The following TTN variants were observed in gnomAD, a reference collection of about 807,000 sequenced individuals.
TTN encodes the protein titin.
A neutral mutation model predicts 3,223.0 loss-of-function variants in TTN; 1,525 were observed. That is an observed-to-expected ratio of 0.47 (90% CI 0.45 to 0.49). The LOEUF (loss-of-function observed/expected upper bound fraction) is 0.49. Among genes scored for constraint, TTN ranks in the 20% least tolerant of loss-of-function variants. The probability of loss-of-function intolerance (pLI) is 0.00; values close to 1 mark genes in which losing one functional copy is unlikely to be tolerated. For synonymous variants in TTN, 14,094 were observed against 15,161.0 expected (o/e 0.93, Z 5.17); for missense variants, 40,786 against 43,424.0 (o/e 0.94, Z 5.40).
intron 47 of TTN, chr2:178,746,185 C>T: frequency 1.2e-6 from 2 of 1,613,214 alleles, no homozygotes; most frequent in Non-Finnish European, 1.7e-6. Context: ...GAGTCGGGAT[C>T]CCTATGACTG....
intron 133 of TTN, 44 bp downstream of exon 133, chr2:178,683,955 G>T: frequency 6.9e-7 from 1 of 1,441,406 alleles, no homozygotes. Context: ...TTAGTGTCTG[G>T]ATGCTTATTT....
In TTN at chr2:178,539,126, T is replaced by C. The variant is rs200544701; in HGVS notation, c.98809A>G (p.Lys32937Glu). 9.2e-5 allele frequency: 148 copies of C among 1,613,658 alleles called. No homozygotes were observed. The highest frequency in any genetic ancestry group is 4.7e-4 in the Admixed American group (28 of 59,978). Reference sequence around the variant, plus strand: ...ACCCACTTGTCAGTGGATGTCTCTTTGCGTTCGATGTAGTAGCCTGTGACT... The same window carrying C: ...ACCCACTTGTCAGTGGATGTCTCTTCGCGTTCGATGTAGTAGCCTGTGACT... ...SRVTGYYIER[K>E]ETSTDKWVRH... Residue 32937 changes from lysine (K) to glutamate (E), a missense_variant, in exon 353 of 363, where the codon AAA becomes GAA. Physicochemically the swap from Lys to Glu is moderately conservative, Grantham distance 56 (BLOSUM62 1). Transcript: ENST00000589042.
rs1414118885 is a variant in TTN at position 178,575,609 on chromosome 2, C to A, written c.70523G>T (p.Arg23508Ile). The change falls in exon 326 of 363, where the codon AGA becomes ATA. Residue 23508 changes from arginine (R) to isoleucine (I), a missense_variant. By Grantham distance (97) the Arg-to-Ile change is moderately conservative. Coordinates refer to ENST00000589042, the MANE Select transcript of TTN (RefSeq NM_001267550.2). This position sits in a 1 kb window ranked among gnomAD's most constrained non-coding sequence, Gnocchi z 4.0. Reference sequence around the variant, plus strand: ...TCCATATTCATTCTCTGCCATCACTCTGAAGAAATATTCACACCCTTCAGA... The same window carrying A: ...TCCATATTCATTCTCTGCCATCACTATGAAGAAATATTCACACCCTTCAGA... The part of the protein sequence containing the change: ...GLSEGCEYFF[R>I]VMAENEYGIG... 2.5e-6 allele frequency: 4 copies of A among 1,613,612 alleles called. No individual in the cohort carries two copies. Among genetic ancestry groups the A allele is most frequent in the Non-Finnish European group, 3.4e-6 (4 of 1,179,644 alleles).
Position 178,617,136 on chromosome 2 carries a change from G to A in TTN, c.47859C>T (p.Thr15953=), listed in dbSNP as rs769989672. ...TCTATTTACCAAATGCATCGTCAGC[G>A]GTGAGAGGACCAAGAATTTCAGATG... The part of the protein sequence containing the change: ...SDPSEILGPL[T]ADDAFVEPTM... Residue 15953 remains threonine, a synonymous_variant, in exon 255 of 363, where the codon ACC becomes ACT. Coordinates refer to ENST00000589042, the MANE Select transcript of TTN (RefSeq NM_001267550.2). 132 of 1,609,128 alleles carry A rather than the reference G, an allele frequency of 8.2e-5. No homozygotes were observed. Among genetic ancestry groups the A allele is most frequent in the African/African-American group, 1.2e-4 (9 of 74,706 alleles).
In TTN at chr2:178,591,309, T is replaced by C. The variant is rs1412813943; in HGVS notation, c.60416A>G (p.Lys20139Arg). The C allele has an allele frequency of 1.9e-6, 3 of 1,613,298 alleles. No individual in the cohort carries two copies. Among genetic ancestry groups the C allele is most frequent in the Non-Finnish European group, 2.5e-6 (3 of 1,179,476 alleles). Residue 20139 changes from lysine (K) to arginine (R), a missense_variant, in exon 304 of 363, where the codon AAG becomes AGG. Physicochemically the swap from Lys to Arg is conservative, Grantham distance 26. Transcript: ENST00000589042. ...CCCAGTGTCTCTCCTTAAGCAGTTC[T>C]TAATGGTAAGTACTGATGAGAAGTT... is the stretch of plus-strand genomic sequence containing the variant. ...TDNFSSVLTI[K>R]NCLRRDTGEY...
intron 253 of TTN, 29 bp from the exon 254 acceptor site, chr2:178,617,541 C>T (rs757346513): frequency 7.7e-6 from 12 of 1,549,836 alleles, no homozygotes; most frequent in Admixed American, 2.3e-5. Context: ...TTGGAGCATA[C>T]CATTTACGTT....
Position 178,561,929 on chromosome 2 carries a change from C to G in TTN, c.84203G>C (p.Ser28068Thr), listed in dbSNP as rs72648219. The change falls in exon 326 of 363, where the codon AGT becomes ACT. Residue 28068 changes from serine to threonine, a missense_variant. By Grantham distance (58) the Ser-to-Thr change is moderately conservative (BLOSUM62 1). Coordinates refer to ENST00000589042, the MANE Select transcript of TTN (RefSeq NM_001267550.2). Reference protein sequence around the residue: ...PPGPIRIDEVSCDSITISWNP... With the variant: ...PPGPIRIDEVTCDSITISWNP... ...CCAAGAAATGGTTATGCTGTCACAA[C>G]TAACCTCATCAATACGTATAGGACC... 41 of 1,613,434 alleles carry G rather than the reference C, an allele frequency of 2.5e-5. No individual in the cohort carries two copies. In the African/African-American group the frequency reaches 4.9e-4, roughly 19 times the overall value.
chr2:178,622,142 C>T, intron 243 of TTN, 134 bp from the exon 244 acceptor site: 1 of 808,708 alleles, frequency 1.2e-6, no homozygotes. Flanking sequence ...ACCAAGGTGG[C>T]AGACACAAAT....
intron 24 of TTN, chr2:178,778,220 A>T (rs1472620983): frequency 1.5e-5 from 8 of 518,172 alleles, no homozygotes; most frequent in Non-Finnish European, 2.8e-5. Context: ...CAGGCTCAAA[A>T]ATCTTGGAAT....
intron 223 of TTN, among the ~76,000 whole-genome samples, chr2:178,638,792 CT>C (rs1157728280): frequency 6.6e-6 from 1 of 151,732 alleles, no homozygotes; most frequent in Non-Finnish European, 1.5e-5. Context: ...ATAATTTCAA[CT>C]TTTATTTTAA....
Position 178,652,550 on chromosome 2 carries a change from A to T in TTN, c.39044-9T>A, listed in dbSNP as rs184888200. Reference sequence around the variant, plus strand: ...TTTCGGAGCCTCTGGCACTTAAAAGATATTAGTGAAATTACATTTAGAAGT... The same window carrying T: ...TTTCGGAGCCTCTGGCACTTAAAAGTTATTAGTGAAATTACATTTAGAAGT... On this transcript the variant is annotated splice_polypyrimidine_tract_variant and intron_variant, in intron 201 of 362. Coordinates refer to ENST00000589042, the MANE Select transcript of TTN (RefSeq NM_001267550.2). 6.4e-4 allele frequency: 1,036 copies of T among 1,613,006 alleles called. No individual in the cohort carries two copies. Among genetic ancestry groups the T allele is most frequent in the Non-Finnish European group, 7.7e-4 (910 of 1,179,520 alleles).
intron 8 of TTN, among the ~76,000 whole-genome samples, chr2:178,793,787 G>A (rs1303379984): frequency 3.3e-5 from 5 of 152,084 alleles, no homozygotes; most frequent in Non-Finnish European, 7.4e-5. Context: ...GTGACAGAGC[G>A]AGACTCTGTC....
Position 178,675,926 on chromosome 2 carries a change from G to A in TTN, c.34448C>T (p.Ala11483Val), listed in dbSNP as rs776185964. ...TTACTTCGGAATAGCAATACCTTTG[G>A]CAGGGGGAGCCTCCTCTTTCTTGGG... ...VIPKKEEAPPAKVSVVPKKPE... is the reference protein window; with the variant it reads ...VIPKKEEAPPVKVSVVPKKPE... Residue 11483 changes from alanine to valine, a missense_variant, in exon 148 of 363, where the codon GCC becomes GTC. Transcript: ENST00000589042. The A allele has an allele frequency of 6.2e-7, 1 of 1,607,402 alleles. No homozygotes were observed. The highest frequency in any genetic ancestry group is 8.5e-7 in the Non-Finnish European group (1 of 1,176,408).
chr2:178,573,236 G>A lies in TTN; in HGVS notation c.72896C>T (p.Ala24299Val), dbSNP rs763506215. ...EGHEYEFRIM[A>V]ENAAGISAPS... ...TGCACTAATTCCAGCAGCATTTTCAGCCATAATCCTGAACTCATATTCATG... is the reference window on the plus strand; with the variant it reads ...TGCACTAATTCCAGCAGCATTTTCAACCATAATCCTGAACTCATATTCATG... The change falls in exon 326 of 363, where the codon GCT becomes GTT. Residue 24299 changes from alanine (A) to valine (V), a missense_variant. Ala to Val is a moderately conservative substitution (Grantham distance 64). Coordinates refer to ENST00000589042, the MANE Select transcript of TTN (RefSeq NM_001267550.2). 1 of 1,606,974 alleles carries A rather than the reference G, an allele frequency of 6.2e-7. No individual in the cohort carries two copies. The highest frequency in any genetic ancestry group is 8.5e-7 in the Non-Finnish European group (1 of 1,175,640).
chr2:178,692,549 T>C lies in TTN; in HGVS notation c.31626A>G (p.Glu10542=). The C allele has an allele frequency of 6.4e-7, 1 of 1,574,612 alleles. No homozygotes were observed. The highest frequency in any genetic ancestry group is 8.6e-7 in the Non-Finnish European group (1 of 1,162,094). The change falls in exon 120 of 363, where the codon GAA becomes GAG. Residue 10542 remains glutamate (E), a synonymous_variant. Coordinates refer to ENST00000589042, the MANE Select transcript of TTN (RefSeq NM_001267550.2). ...VPELPEKPAP[E]EVAPVPIPKK... is the part of the protein sequence containing the mutation. ...TAGGGATAGGAACAGGGGCCACTTC[T>C]TCTGGAGCTGGTTTCTCAGGTAGCT...
At chr2:178,708,731 A>G (rs1001693416) in intron 99 of TTN, among the ~76,000 whole-genome samples, 1 of 152,192 alleles carries the variant, frequency 6.6e-6, no homozygotes, top group Non-Finnish European at 1.5e-5. Flanking sequence ...GTGAAACTGG[A>G]ATTTTAAGAC....
chr2:178,786,211 A>G lies in TTN; in HGVS notation c.2077-70T>C. On this transcript the variant is annotated intron_variant, in intron 13 of 362. Transcript: ENST00000589042. ...CAGGCTGGAATATCTCCTGGGCATC[A>G]GGACAGGCAGATGGCGTCCACATTA... 3 of 1,557,994 alleles carry G rather than the reference A, an allele frequency of 1.9e-6. No homozygotes were observed. In the African/African-American group the frequency reaches 4.0e-5, roughly 21 times the overall value.
At chr2:178,788,823 CT>C (rs2093340916) in intron 13 of TTN, among the ~76,000 whole-genome samples, 2 of 151,998 alleles carry the variant, frequency 1.3e-5, no homozygotes. Flanking sequence ...TTAGTGGGAG[CT>C]GCTACAGCAT....
Position 178,590,533 on chromosome 2 carries a change from C to G in TTN, c.61192G>C (p.Asp20398His). The G allele has an allele frequency of 6.2e-7, 1 of 1,612,916 alleles. No individual in the cohort carries two copies. The highest frequency in any genetic ancestry group is 8.5e-7 in the Non-Finnish European group (1 of 1,179,312). The stretch of plus-strand genomic sequence containing the variant: ...TATCCTAGAATGGGGCTACCACCAT[C>G]ACTGAGAGGCTTTGTCCACACCAAA... ...ADLVWTKPLS[D>H]GGSPILGYVV... is the part of the protein sequence containing the mutation. The change falls in exon 304 of 363, where the codon GAT becomes CAT. Residue 20398 changes from aspartate (D) to histidine (H), a missense_variant. By Grantham distance (81) the Asp-to-His change is moderately conservative. Transcript: ENST00000589042.
Sources: gnomAD v4.1 joint callset for allele counts (sites outside exome capture counted in the v4.1 genomes callset) on GRCh38, gnomAD v4.1.1 for gene constraint, Gnocchi (gnomAD v3.1) non-coding constraint, MANE v1.5 for transcripts, NCBI Gene and HGNC (gene_info 2026-07-23, HGNC 2026-07-21) for gene names.